The following OC90 variants were observed in gnomAD, a reference collection of about 807,000 sequenced individuals.
OC90 encodes otoconin-90.
Under a neutral mutation model 47.3 loss-of-function variants are expected in OC90, and 46 were observed. The observed-to-expected ratio is 0.97, with a 90% CI of 0.77 to 1.24. OC90 has a LOEUF of 1.24. Ranked by LOEUF, OC90 falls within the 50% of genes most tolerant of loss-of-function variation. The pLI is 0.00. For missense variants in OC90, 688 were observed against 583.9 expected, an observed-to-expected ratio of 1.18 and a Z score of -1.84; for synonymous variants, 271 against 219.5, an observed-to-expected ratio of 1.23 and a Z score of -2.07.
chr8:132,055,211 G>T, intron 1 of OC90, 138 bp from the exon 2 acceptor site: 1 of 534,258 alleles, frequency 1.9e-6, no homozygotes, highest in Non-Finnish European at 3.3e-6. Flanking sequence ...GTAGGTCCCA[G>T]TTTTGCCACT....
chr8:132,039,037 G>C lies in OC90; in HGVS notation c.544C>G (p.Leu182Val), dbSNP rs375173583. 2 of 1,613,860 alleles carry C rather than the reference G, an allele frequency of 1.2e-6. No homozygotes were observed. The highest frequency in any genetic ancestry group is 1.7e-6 in the Non-Finnish European group (2 of 1,179,882). ...CAGAAGGAGGTGTCCAGAAGGTTCA[G>C]GGAAGAGTTGAGGCTGGATCGAGCC... ...CLARSSLNSSLNLLDTSFCLA... is the reference protein window; with the variant it reads ...CLARSSLNSSVNLLDTSFCLA... The change falls in exon 7 of 14, where the codon CTG becomes GTG. Residue 182 changes from leucine (L) to valine (V), a missense_variant. Physicochemically the swap from Leu to Val is conservative, Grantham distance 32. Coordinates refer to ENST00000254627, the MANE Select transcript of OC90 (RefSeq NM_001080399.3).
chr8:132,028,910 G>GAGGA (rs1228431752), intron 13 of OC90, among the ~76,000 whole-genome samples, 163 bp downstream of exon 13: 4 of 145,326 alleles, frequency 2.8e-5, no homozygotes, highest in East Asian at 4.2e-4. Context: ...AAGAAGGAAA[G>GAGGA]AGGAAGGAAG....
At position 132,031,403 on chromosome 8, in the gene OC90, G is replaced by A. The variant is rs545534275; in HGVS notation, c.1031+478C>T. Among the ~76,000 whole-genome samples the A allele has an allele frequency of 9.8e-5, 15 of 152,308 alleles. No homozygotes were observed. In the Middle Eastern group the frequency reaches 0.01, roughly 104 times the overall value. On this transcript the variant is annotated intron_variant, in intron 12 of 13. Transcript: ENST00000254627. ...AATTCTTTCAAGAGTGGTACACATG[G>A]AAATTACAGTTATATTTAAAAGGTG...
chr8:132,036,448 ATCAGT>A (rs760836568), intron 9 of OC90: 12 of 780,076 alleles, frequency 1.5e-5, no homozygotes, highest in Middle Eastern at 4.5e-4. Flanking sequence ...GATTTTAATG[ATCAGT>A]TCAGCTAGGT....
At chr8:132,032,396 G>A (rs1291947186) in intron 11 of OC90, among the ~76,000 whole-genome samples, 1 of 152,120 alleles carries the variant, frequency 6.6e-6, no homozygotes, top group African/African-American at 2.4e-5. Flanking sequence ...GAGCATCCCA[G>A]CTGAACTCTC....
chr8:132,050,253 A>C (rs1823194445), intron 2 of OC90, among the ~76,000 whole-genome samples: 1 of 152,200 alleles, frequency 6.6e-6, no homozygotes, highest in African/African-American at 2.4e-5. Flanking sequence ...AGGGAGGAGG[A>C]TATCAATGAT....
intron 11 of OC90, 55 bp from the exon 12 acceptor site, chr8:132,032,107 A>C: frequency 6.5e-7 from 1 of 1,544,314 alleles, no homozygotes; most frequent in Non-Finnish European, 8.9e-7. Context: ...AGCTGTCTCA[A>C]CAGGAAGGCC....
At chr8:132,037,579 G>T (rs1822989484) in intron 8 of OC90, 91 bp from the exon 9 acceptor site, 3 of 1,140,988 alleles carry the variant, frequency 2.6e-6, no homozygotes, top group Non-Finnish European at 3.9e-6. Flanking sequence ...GCTGGTTGCT[G>T]GCCCAAGGGA....
chr8:132,035,123 T>C (rs77096610), intron 9 of OC90, among the ~76,000 whole-genome samples: 239 of 152,294 alleles, frequency 1.6e-3, no homozygotes, highest in African/African-American at 5.4e-3. Context: ...TTCTTTAGAA[T>C]TCGGAGAAAA....
At chr8:132,044,531 CT>C in intron 3 of OC90, 42 bp from the exon 4 acceptor site, 13 of 1,076,040 alleles carry the variant, frequency 1.2e-5, no homozygotes, top group South Asian at 2.7e-5. Context: ...TTGGTTTTTC[CT>C]TTTTTTCACT....
rs796523905 is a variant in OC90, at chr8:132,028,706, C to CAGAAAGAAAGAAAGAAAGAAAGAAAGAA, written c.1138+366_1138+367insTTCTTTCTTTCTTTCTTTCTTTCTTTCT. 4.2e-4 allele frequency among the ~76,000 whole-genome samples: 47 copies of CAGAAAGAAAGAAAGAAAGAAAGAAAGAA among 113,058 alleles called. 1 individual carries two copies. The highest frequency in any genetic ancestry group is 1.6e-3 in the African/African-American group (47 of 29,470). The allele number at this position is 113,058 out of a possible 152,430, so 74.2% of individuals were successfully genotyped here. A position where few individuals can be genotyped will look rare whatever the true frequency, so the allele number is the denominator to read the frequency against. ...AGAAAGAGAAAGAAAGAAAGAGAGA[C>CAGAAAGAAAGAAAGAAAGAAAGAAAGAA]AGAAAGAAAGAAAGAAAGAGAAAGA... On this transcript the variant is annotated intron_variant, in intron 13 of 13. Transcript: ENST00000254627.
chr8:132,041,714 G>A lies in OC90; in HGVS notation c.170-15C>T, dbSNP rs1388128826. ...GCCCAGGCAATCTGTGGGGGTGGGG[G>A]GCAGGGCCTGATAAGCACTGGGAAC... On this transcript the variant is annotated splice_polypyrimidine_tract_variant and intron_variant, in intron 4 of 13. Transcript: ENST00000254627. 8 of 1,524,620 alleles carry A rather than the reference G, an allele frequency of 5.2e-6. No individual in the cohort carries two copies. In the African/African-American group the frequency reaches 6.8e-5, roughly 13 times the overall value. 94.4% of individuals were successfully genotyped at this position (1,524,620 alleles called of 1,614,324 possible).
chr8:132,046,898 T>C (rs1823141108), intron 2 of OC90, among the ~76,000 whole-genome samples: 1 of 152,212 alleles, frequency 6.6e-6, no homozygotes, highest in African/African-American at 2.4e-5. Context: ...GAGTTGGCCT[T>C]GCTTGGCTTA....
chr8:132,033,472 T>C (rs1280674662), intron 10 of OC90, among the ~76,000 whole-genome samples: 1 of 152,122 alleles, frequency 6.6e-6, no homozygotes, highest in Non-Finnish European at 1.5e-5. Flanking sequence ...GCCTGCCCAG[T>C]GAAGGGGCAT....
Position 132,046,243 on chromosome 8 carries a change from T to TAAATGCATGAA in OC90, c.47-361_47-360insTTCATGCATTT, listed in dbSNP as rs113461635. Among the ~76,000 whole-genome samples the TAAATGCATGAA allele has an allele frequency of 2.6e-5, 4 of 151,572 alleles. No individual in the cohort carries two copies. The East Asian group carries it at 7.8e-4, about 30-fold the overall frequency. Reference sequence around the variant, plus strand: ...GACATAAAGCATTGGTGGAAAGAGGTAAATACCCCAACCCCCAAGGAGTTT... The same window carrying TAAATGCATGAA: ...GACATAAAGCATTGGTGGAAAGAGGTAAATGCATGAAAAATACCCCAACCCCCAAGGAGTTT... On this transcript the variant is annotated intron_variant, in intron 2 of 13. Coordinates refer to ENST00000254627, the MANE Select transcript of OC90 (RefSeq NM_001080399.3).
chr8:132,045,855 A>G lies in OC90; in HGVS notation c.75T>C (p.Leu25=). 6.5e-7 allele frequency: 1 copy of G among 1,546,828 alleles called. No homozygotes were observed. The highest frequency in any genetic ancestry group is 8.8e-7 in the Non-Finnish European group (1 of 1,142,496). Residue 25 remains leucine, a synonymous_variant, in exon 3 of 14, where the codon CTT becomes CTC. Transcript: ENST00000254627. ...GGAGTCCTGGAGGCAGCTCCTGTGG[A>G]AGATGTGGAGTGTCCAGAGGATGGC... ...AGGHPLDTPH[L]PQELPPGLPN... is the part of the protein sequence containing the mutation.
At chr8:132,048,375 G>T (rs1485338243) in intron 2 of OC90, among the ~76,000 whole-genome samples, 1 of 152,138 alleles carries the variant, frequency 6.6e-6, no homozygotes, top group Non-Finnish European at 1.5e-5. Flanking sequence ...CAGGACCCAG[G>T]ATCCACAGAA....
At chr8:132,046,482 G>C (rs1823135123) in intron 2 of OC90, among the ~76,000 whole-genome samples, 1 of 152,076 alleles carries the variant, frequency 6.6e-6, no homozygotes, top group Non-Finnish European at 1.5e-5. Flanking sequence ...GTTACTTAAT[G>C]GTGTAATAAC....
intron 1 of OC90, among the ~76,000 whole-genome samples, chr8:132,058,485 A>C (rs1387586167): frequency 6.6e-6 from 1 of 152,122 alleles, no homozygotes; most frequent in East Asian, 1.9e-4. Context: ...GGCCGGTCTC[A>C]TGGCTGCATA....
Sources: allele counts gnomAD v4.1 joint callset (sites outside exome capture counted in the v4.1 genomes callset), GRCh38; gene constraint gnomAD v4.1.1; transcripts MANE v1.5; gene names NCBI Gene and HGNC (gene_info 2026-07-23, HGNC 2026-07-21).